The following LDLRAD4 variants were observed in gnomAD, a reference collection of about 807,000 sequenced individuals.
LDLRAD4 encodes the protein low density lipoprotein receptor class A domain containing 4.
LDLRAD4 carries 5 observed loss-of-function variants against 17.0 expected under a neutral mutation model. The ratio of observed to expected loss-of-function variants is 0.29; its 90% CI spans 0.15 to 0.62. The LOEUF (loss-of-function observed/expected upper bound fraction) is 0.62, where lower values mean the gene tolerates loss of function less well. Ranked by LOEUF, LDLRAD4 falls within the 20% of genes least tolerant of loss-of-function variation. The pLI is 0.84. For synonymous variants in LDLRAD4, 168 were observed against 171.8 expected (o/e 0.98, Z 0.17); for missense variants, 340 against 424.7 (o/e 0.80, Z 1.75).
intron 1 of LDLRAD4, among the ~76,000 whole-genome samples, chr18:13,375,005 C>T (rs191284861): frequency 3.4e-4 from 52 of 152,300 alleles, no homozygotes; most frequent in East Asian, 2.5e-3. Context: ...AAACAGATTG[C>T]GGGAACACTG....
In LDLRAD4 at chr18:13,503,013, G is replaced by A. The variant is rs1199815399; in HGVS notation, c.181+64629G>A. Among the ~76,000 whole-genome samples, 4 of 152,242 alleles carry A rather than the reference G, an allele frequency of 2.6e-5. No homozygotes were observed. The East Asian group carries it at 7.7e-4, about 29-fold the overall frequency. ...TGGCATCAGTCAGGTATATGTGCTT[G>A]TATTAACATGAACCTGAGAGGCTGA... On this transcript the variant is annotated intron_variant, in intron 3 of 5. Coordinates refer to ENST00000359446, the Ensembl canonical transcript of LDLRAD4.
At chr18:13,629,134 T>C (rs1410753075) in intron 4 of LDLRAD4, among the ~76,000 whole-genome samples, 1 of 152,156 alleles carries the variant, frequency 6.6e-6, no homozygotes, top group African/African-American at 2.4e-5. Flanking sequence ...CCTGACTGGG[T>C]TGTTTTTATT....
chr18:13,473,286 C>T lies in LDLRAD4; in HGVS notation c.181+34902C>T, dbSNP rs140652295. On this transcript the variant is annotated intron_variant, in intron 3 of 5. Coordinates refer to ENST00000359446, the Ensembl canonical transcript of LDLRAD4. ...ACGTGGCCTGGATTCTTCATCCCAT[C>T]TCCAGCTTCTCTAGTTGTTTATTGT... Among the ~76,000 whole-genome samples, 131 of 152,344 alleles carry T rather than the reference C, an allele frequency of 8.6e-4. No individual in the cohort carries two copies. The South Asian group carries it at 0.015, about 17-fold the overall frequency.
chr18:13,473,638 TATA>T lies in LDLRAD4; in HGVS notation c.181+35255_181+35257del, dbSNP rs1453682022. The stretch of plus-strand genomic sequence containing the variant: ...GGCAGCACAGTAAGATCCCATCTCA[TATA>T]TATATATATATATATATATATATAT... On this transcript the variant is annotated intron_variant, in intron 3 of 5. Coordinates refer to ENST00000359446, the Ensembl canonical transcript of LDLRAD4. Among the ~76,000 whole-genome samples the T allele has an allele frequency of 9.3e-3, 291 of 31,444 alleles. 2 individuals carry two copies. Among genetic ancestry groups the T allele is most frequent in the African/African-American group, 0.033 (275 of 8,372 alleles). 20.6% of individuals were successfully genotyped at this position (31,444 alleles called of 152,430 possible).
At chr18:13,441,604 G>A (rs908766795) in intron 3 of LDLRAD4, among the ~76,000 whole-genome samples, 2 of 152,176 alleles carry the variant, frequency 1.3e-5, no homozygotes, top group South Asian at 2.1e-4. Flanking sequence ...TTTCCTGGCC[G>A]TGCCGTTAGC....
At chr18:13,312,098 G>A (rs772444498) in intron 1 of LDLRAD4, among the ~76,000 whole-genome samples, 55 of 152,128 alleles carry the variant, frequency 3.6e-4, no homozygotes, top group Non-Finnish European at 7.1e-4. Context: ...GCCTCCCAAA[G>A]TGCTAGGATT....
intron 2 of LDLRAD4, among the ~76,000 whole-genome samples, chr18:13,402,539 T>C (rs2087324006): frequency 6.6e-6 from 1 of 152,204 alleles, no homozygotes; most frequent in Non-Finnish European, 1.5e-5. Context: ...GTGAAAAACA[T>C]TACATCTTTT....
intron 1 of LDLRAD4, among the ~76,000 whole-genome samples, chr18:13,320,163 C>T (rs1316149636): frequency 6.6e-6 from 1 of 152,142 alleles, no homozygotes; most frequent in Non-Finnish European, 1.5e-5. Flanking sequence ...TAGTTTTATA[C>T]ATCGTTTCTG....
In LDLRAD4 at chr18:13,475,427, AT is replaced by A. The variant is rs35255496; in HGVS notation, c.181+37062del. 2.5e-3 allele frequency among the ~76,000 whole-genome samples: 333 copies of A among 131,120 alleles called. 1 individual carries two copies. The highest frequency in any genetic ancestry group is 0.014 in the South Asian group (54 of 3,796). The allele number at this position is 131,120 out of a possible 152,430, so 86.0% of individuals were successfully genotyped here. A position where few individuals can be genotyped will look rare whatever the true frequency, so the allele number is the denominator to read the frequency against. On this transcript the variant is annotated intron_variant, in intron 3 of 5. Transcript: ENST00000359446. ...TGGTGCTCGCCACCACACCCCGCTG[AT>A]TTTTTTTTTTTTTTTTTTGTAAAGA...
Position 13,407,050 on chromosome 18 carries a change from C to T in LDLRAD4, c.40+19288C>T, listed in dbSNP as rs370172619. Among the ~76,000 whole-genome samples, 27 of 152,260 alleles carry T rather than the reference C, an allele frequency of 1.8e-4. No individual in the cohort carries two copies. The East Asian group carries it at 3.3e-3, about 19-fold the overall frequency. ...TAGCACGGCGTGGCGGGCTGCAGGA[C>T]GGAATAGTAAACAAAGTGCGTGGCG... On this transcript the variant is annotated intron_variant, in intron 2 of 5. Coordinates refer to ENST00000359446, the Ensembl canonical transcript of LDLRAD4.
chr18:13,232,704 G>A (rs2042141754), intron 1 of LDLRAD4, among the ~76,000 whole-genome samples: 1 of 152,188 alleles, frequency 6.6e-6, no homozygotes, highest in Non-Finnish European at 1.5e-5. Flanking sequence ...CCCTGCTTGC[G>A]TTCCAAGTGG....
At chr18:13,623,772 T>A (rs1245171482) in intron 4 of LDLRAD4, among the ~76,000 whole-genome samples, 6 of 152,176 alleles carry the variant, frequency 3.9e-5, no homozygotes, top group Non-Finnish European at 8.8e-5. Context: ...TGCTATCCAT[T>A]TCCCTCTCTC....
chr18:13,302,843 T>C (rs2046682057), intron 1 of LDLRAD4, among the ~76,000 whole-genome samples: 1 of 152,204 alleles, frequency 6.6e-6, no homozygotes, highest in African/African-American at 2.4e-5. Context: ...TTTATGCAGT[T>C]TTGTTATATG....
intron 1 of LDLRAD4, among the ~76,000 whole-genome samples, chr18:13,305,768 G>A (rs900890364): frequency 2.0e-5 from 3 of 152,206 alleles, no homozygotes; most frequent in East Asian, 1.9e-4. Flanking sequence ...TTGTGAAGCC[G>A]TCACTGCAGC....
chr18:13,440,007 C>T lies in LDLRAD4; in HGVS notation c.181+1623C>T, dbSNP rs560956864. Among the ~76,000 whole-genome samples, 128 of 152,322 alleles carry T rather than the reference C, an allele frequency of 8.4e-4. No individual in the cohort carries two copies. Among genetic ancestry groups the T allele is most frequent in the African/African-American group, 2.8e-3 (117 of 41,566 alleles). The stretch of plus-strand genomic sequence containing the variant: ...CGCTAAGCACTCAAGATTACCTCAA[C>T]CCAGGCTTGGGGTCTTAGAAGGAGG... On this transcript the variant is annotated intron_variant, in intron 3 of 5. Transcript: ENST00000359446. The surrounding 1 kb of genome is among the most constrained non-coding windows in gnomAD (Gnocchi z 4.4).
rs556252949 is a variant in LDLRAD4 at position 13,426,798 on chromosome 18, G to A, written c.41-11446G>A. 1.4e-4 allele frequency among the ~76,000 whole-genome samples: 21 copies of A among 152,334 alleles called. 1 individual carries two copies. In the South Asian group the frequency reaches 3.5e-3, roughly 26 times the overall value. On this transcript the variant is annotated intron_variant, in intron 2 of 5. Transcript: ENST00000359446. Reference sequence around the variant, plus strand: ...CCATCCATAAAAGAGGTATGAAGATGCCATCACAAAATTCTGGTGTGGGTT... The same window carrying A: ...CCATCCATAAAAGAGGTATGAAGATACCATCACAAAATTCTGGTGTGGGTT...
At chr18:13,474,136 A>G (rs1402267809) in intron 3 of LDLRAD4, among the ~76,000 whole-genome samples, 2 of 152,114 alleles carry the variant, frequency 1.3e-5, no homozygotes, top group Non-Finnish European at 2.9e-5. Flanking sequence ...CTTCGCCATG[A>G]TTGGAAGCTT....
At chr18:13,458,926 G>A (rs1316832817) in intron 3 of LDLRAD4, among the ~76,000 whole-genome samples, 2 of 152,196 alleles carry the variant, frequency 1.3e-5, no homozygotes, top group Non-Finnish European at 2.9e-5. Context: ...CTCCCCTAGA[G>A]CTCTGGGAAG....
At chr18:13,447,969 G>A (rs1370315686) in intron 3 of LDLRAD4, among the ~76,000 whole-genome samples, 2 of 152,174 alleles carry the variant, frequency 1.3e-5, no homozygotes, top group African/African-American at 4.8e-5. Context: ...CCTGCTTCCT[G>A]GGGGAGGCCA....
Sources: allele counts gnomAD v4.1 joint callset (sites outside exome capture counted in the v4.1 genomes callset), GRCh38; gene constraint gnomAD v4.1.1; non-coding constraint Gnocchi (gnomAD v3.1); transcripts MANE v1.5; gene names NCBI Gene and HGNC (gene_info 2026-07-23, HGNC 2026-07-21).